HEATR4: variants seen among roughly 807,000 people sequenced by gnomAD.
HEATR4 encodes the protein HEAT repeat containing 4.
In HEATR4, 95 loss-of-function variants were observed where a neutral mutation model predicts 108.8. That is an observed-to-expected ratio of 0.87 (90% CI 0.74 to 1.04). The LOEUF (loss-of-function observed/expected upper bound fraction) is 1.04, where lower values mean the gene tolerates loss of function less well. HEATR4 is among the 50% of genes least tolerant of loss of function. The pLI, the probability that HEATR4 is intolerant of heterozygous loss-of-function variation, is 0.00. For synonymous variants in HEATR4, 443 were observed against 459.4 expected, an observed-to-expected ratio of 0.96 and a Z score of 0.46; for missense variants, 1,152 against 1,253.8, an observed-to-expected ratio of 0.92 and a Z score of 1.23.
At chr14:73,498,436 C>G (rs1886232832) in intron 13 of HEATR4, 92 bp from the exon 14 acceptor site, 1 of 1,123,498 alleles carries the variant, frequency 8.9e-7, no homozygotes. Context: ...ACAATACCTT[C>G]CCTTTTGGAT....
At chr14:73,518,401 C>A (rs1174559012) in intron 5 of HEATR4, among the ~76,000 whole-genome samples, 1 of 149,132 alleles carries the variant, frequency 6.7e-6, no homozygotes, top group East Asian at 1.9e-4. Context: ...AAGACTCTGT[C>A]TCCAAAAAAA....
At chr14:73,566,626 G>A in the HEATR4 span, among the ~76,000 whole-genome samples, 1 of 151,796 alleles carries the variant, frequency 6.6e-6, no homozygotes, top group East Asian at 1.9e-4. Context: ...TGGCGGCTCC[G>A]AGTGTGGGGC....
chr14:73,545,063 CTTT>C (rs1163488093), intron 1 of HEATR4, among the ~76,000 whole-genome samples: 1 of 101,686 alleles, frequency 9.8e-6, no homozygotes, highest in East Asian at 7.9e-4. Flanking sequence ...ATTTTCTTTC[CTTT>C]TTTTTTTTTG....
the HEATR4 span, chr14:73,595,513 C>T: frequency 1.2e-6 from 2 of 1,613,648 alleles, no homozygotes; most frequent in African/African-American, 2.7e-5. Context: ...CTTCCCTTCA[C>T]AGATTACTGA....
chr14:73,535,643 T>G (rs543611668), intron 1 of HEATR4, among the ~76,000 whole-genome samples: 1 of 111,400 alleles, frequency 9.0e-6, no homozygotes, highest in South Asian at 2.9e-4. Flanking sequence ...GAATTTTTTG[T>G]ATTTTTGGTT....
the HEATR4 span, chr14:73,569,344 A>C: frequency 6.2e-7 from 1 of 1,613,954 alleles, no homozygotes; most frequent in South Asian, 1.1e-5. Flanking sequence ...CGGCTGTACC[A>C]ATGGAGCCTG....
the HEATR4 span, among the ~76,000 whole-genome samples, chr14:73,579,468 G>C: frequency 2.3e-4 from 34 of 150,858 alleles, no homozygotes; most frequent in African/African-American, 7.1e-4. Flanking sequence ...CCAGCTACTC[G>C]GGAGGCTGTG....
At chr14:73,509,809 CCCAT>C (rs1254847021) in intron 7 of HEATR4, among the ~76,000 whole-genome samples, 124 of 5,188 alleles carry the variant, frequency 0.024, 8 homozygotes, top group Admixed American at 0.04. Context: ...GCCCCATGAG[CCCAT>C]ATATATATAT....
chr14:73,629,848 C>G, the HEATR4 span, among the ~76,000 whole-genome samples: 4 of 151,580 alleles, frequency 2.6e-5, no homozygotes, highest in African/African-American at 7.3e-5. Flanking sequence ...GGGGTTTCAC[C>G]GTGTTAGCCA....
chr14:73,559,044 C>T (rs1392071440), upstream of HEATR4: 1 of 151,946 alleles, frequency 6.6e-6, no homozygotes. Context: ...TATCTTCAAC[C>T]ATTTATTAAA....
chr14:73,560,121 T>G (rs10129550), upstream of HEATR4, among the ~76,000 whole-genome samples: 9,235 of 152,152 alleles, frequency 0.061, 500 homozygotes, highest in East Asian at 0.21. Flanking sequence ...GTCTTACAGA[T>G]ACAGAAATTC....
chr14:73,482,360 A>G (rs1490237379), intron 17 of HEATR4, among the ~76,000 whole-genome samples: 1 of 152,178 alleles, frequency 6.6e-6, no homozygotes, highest in African/African-American at 2.4e-5. Context: ...TGTCTCTACT[A>G]AAAATTCAAA....
chr14:73,537,848 C>T lies in HEATR4; in HGVS notation c.-151-7604G>A, dbSNP rs1449777971. ...GCGGCGCGAGCCGGTGCGCGCGGGC[C>T]GGGTGCGAGGCACGCTCTTCCTGCC... On this transcript the variant is annotated intron_variant, in intron 1 of 17. Transcript: ENST00000553558. 4 of 1,205,432 alleles carry T rather than the reference C, an allele frequency of 3.3e-6. 1 individual carries two copies. The highest frequency in any genetic ancestry group is 1.5e-5 in the South Asian group (1 of 67,616). The allele number at this position is 1,205,432 out of a possible 1,614,324, so 74.7% of individuals were successfully genotyped here.
chr14:73,578,834 C>T, the HEATR4 span, among the ~76,000 whole-genome samples: 238 of 151,986 alleles, frequency 1.6e-3, 1 homozygote, highest in Middle Eastern at 3.4e-3. Context: ...TGCCTGTAAT[C>T]CCAGCACTTT....
chr14:73,559,864 C>T (rs11624911), upstream of HEATR4, among the ~76,000 whole-genome samples: 1 of 151,946 alleles, frequency 6.6e-6, no homozygotes, highest in Admixed American at 6.6e-5. Flanking sequence ...TTCTGGCAGG[C>T]GTCAGATTAC....
chr14:73,593,506 T>G, the HEATR4 span, among the ~76,000 whole-genome samples: 1 of 139,918 alleles, frequency 7.1e-6, no homozygotes, highest in African/African-American at 2.6e-5. Context: ...ACTGACTAAT[T>G]AAAAAAAAAA....
Position 73,534,905 on chromosome 14 carries a change from C to G in HEATR4, c.-151-4661G>C, listed in dbSNP as rs140008880. On this transcript the variant is annotated intron_variant, in intron 1 of 17. Transcript: ENST00000553558. ...AGCAATCTCCTGCCTAGGCCTCCCCCCTAACAGCTGGAACTACAGGCATCT... is the reference window on the plus strand; with the variant it reads ...AGCAATCTCCTGCCTAGGCCTCCCCGCTAACAGCTGGAACTACAGGCATCT... Among the ~76,000 whole-genome samples, 224 of 110,322 alleles carry G rather than the reference C, an allele frequency of 2.0e-3. 52 individuals carry two copies. The highest frequency in any genetic ancestry group is 6.2e-3 in the African/African-American group (211 of 33,930). 72.4% of individuals were successfully genotyped at this position (110,322 alleles called of 152,430 possible). A position where few individuals can be genotyped will look rare whatever the true frequency, so the allele number is the denominator to read the frequency against.
intron 17 of HEATR4, among the ~76,000 whole-genome samples, chr14:73,489,915 C>T (rs1346321226): frequency 6.6e-6 from 1 of 152,234 alleles, no homozygotes; most frequent in Non-Finnish European, 1.5e-5. Flanking sequence ...TCAGTGAATT[C>T]ATCTGCAGAG....
At chr14:73,497,878 AG>A (rs1886198522) in intron 14 of HEATR4, among the ~76,000 whole-genome samples, 1 of 152,200 alleles carries the variant, frequency 6.6e-6, no homozygotes. Context: ...CTCCTGCCTC[AG>A]CCTCCCAAAG....
Sources: allele counts gnomAD v4.1 joint callset (sites outside exome capture counted in the v4.1 genomes callset), GRCh38; gene constraint gnomAD v4.1.1; transcripts MANE v1.5; gene names NCBI Gene and HGNC (gene_info 2026-07-23, HGNC 2026-07-21).